LDB3: variants seen among roughly 807,000 people sequenced by gnomAD.
LDB3 encodes LIM domain binding 3.
A neutral mutation model predicts 69.0 loss-of-function variants in LDB3; 49 were observed. The ratio of observed to expected loss-of-function variants is 0.71; its 90% confidence interval spans 0.56 to 0.90. The LOEUF (loss-of-function observed/expected upper bound fraction) is 0.90. Among genes scored for constraint, LDB3 ranks in the 40% least tolerant of loss-of-function variants. The pLI, the probability that LDB3 is intolerant of heterozygous loss-of-function variation, is 0.00. For missense variants in LDB3, 928 were observed against 974.1 expected (o/e 0.95, Z 0.63); for synonymous variants, 387 against 396.2 (o/e 0.98, Z 0.28).
upstream of LDB3, chr10:86,666,939 G>T: frequency 2.2e-6 from 1 of 446,808 alleles, no homozygotes. Flanking sequence ...TCCCCAGCCT[G>T]GCAGGATGGA....
In LDB3 at chr10:86,681,131, G is replaced by A. The variant is rs11596380; in HGVS notation, c.322-305G>A. ...GGGGCAGGGGGAACAGACACAGAAC[G>A]GGCCATCCCCTGACCCCTACACCCA... On this transcript the variant is annotated intron_variant, in intron 4 of 13. Transcript: ENST00000361373. Among the ~76,000 whole-genome samples, 1,325 of 152,322 alleles carry A rather than the reference G, an allele frequency of 8.7e-3. 15 individuals carry two copies. Among genetic ancestry groups the A allele is most frequent in the Non-Finnish European group, 0.015 (997 of 68,022 alleles).
chr10:86,731,551 A>G (rs904874949), intron 13 of LDB3, among the ~76,000 whole-genome samples: 2 of 152,078 alleles, frequency 1.3e-5, no homozygotes, highest in Non-Finnish European at 2.9e-5. Flanking sequence ...GTGGCATTCC[A>G]TTGGAAAAAT....
chr10:86,730,901 C>A (rs988203012), intron 13 of LDB3, among the ~76,000 whole-genome samples: 1 of 152,048 alleles, frequency 6.6e-6, no homozygotes, highest in Admixed American at 6.5e-5. Context: ...GCCTGTAATC[C>A]CAGCACTTTG....
chr10:86,731,254 T>G, intron 13 of LDB3, among the ~76,000 whole-genome samples: 1 of 139,554 alleles, frequency 7.2e-6, no homozygotes. Flanking sequence ...AGACGGAATC[T>G]CGCTCTGTCG....
intron 9 of LDB3, among the ~76,000 whole-genome samples, chr10:86,711,914 G>A (rs994758531): frequency 2.0e-5 from 3 of 151,992 alleles, no homozygotes; most frequent in Non-Finnish European, 4.4e-5. Context: ...CCCCGAGCCC[G>A]CCGAGTGCGA....
At position 86,726,139 on chromosome 10, in the gene LDB3, T is replaced by C. The variant is rs1320317774; in HGVS notation, c.1981T>C (p.Tyr661His). Reference sequence around the variant, plus strand: ...CTTCACTCTGCTTTTCATTTCAGACTACATCAATCTGTTCAGCACCAAGTG... The same window carrying C: ...CTTCACTCTGCTTTTCATTTCAGACCACATCAATCTGTTCAGCACCAAGTG... ...EDGEPYCEKD[Y>H]INLFSTKCHG... Residue 661 changes from tyrosine (Y) to histidine (H), a missense_variant and splice_region_variant, in exon 13 of 14, where the codon TAC becomes CAC. Transcript: ENST00000361373. 1 of 1,612,928 alleles carries C rather than the reference T, an allele frequency of 6.2e-7. No individual in the cohort carries two copies. The highest frequency in any genetic ancestry group is 8.5e-7 in the Non-Finnish European group (1 of 1,179,224).
intron 5 of LDB3, among the ~76,000 whole-genome samples, chr10:86,683,479 C>T (rs936253372): frequency 2.6e-5 from 4 of 152,226 alleles, no homozygotes; most frequent in African/African-American, 9.6e-5. Context: ...GACTTGCTGC[C>T]TGCTCAGGGA....
At position 86,733,449 on chromosome 10, in the gene LDB3, T is replaced by C. The variant is rs45591436; in HGVS notation, c.*473T>C. ...GAGTCATAGCTGAGAGCTTGTTAGC[T>C]AAGACCCATTGGGCTTTCCTCACCA... On this transcript the variant is annotated 3_prime_UTR_variant, in exon 14 of 14. Transcript: ENST00000361373. 9 of 192,810 alleles carry C rather than the reference T, an allele frequency of 4.7e-5. No individual in the cohort carries two copies. Among genetic ancestry groups the C allele is most frequent in the Admixed American group, 1.1e-4 (2 of 18,566 alleles). 11.9% of individuals were successfully genotyped at this position (192,810 alleles called of 1,614,324 possible). A position where few individuals can be genotyped will look rare whatever the true frequency, so the allele number is the denominator to read the frequency against.
At chr10:86,673,848 C>T (rs982341150) in intron 2 of LDB3, among the ~76,000 whole-genome samples, 9 of 152,140 alleles carry the variant, frequency 5.9e-5, no homozygotes, top group Non-Finnish European at 1.2e-4. Flanking sequence ...GTTTGAACAC[C>T]GGGAGTGAAT....
intron 2 of LDB3, among the ~76,000 whole-genome samples, chr10:86,677,352 C>T (rs1324933645): frequency 1.3e-5 from 2 of 152,128 alleles, no homozygotes; most frequent in South Asian, 2.1e-4. Context: ...AGGGGTGGGG[C>T]TGCTAATGTC....
chr10:86,693,198 G>A (rs1845848396), intron 7 of LDB3, among the ~76,000 whole-genome samples: 1 of 152,162 alleles, frequency 6.6e-6, no homozygotes, highest in Non-Finnish European at 1.5e-5. Context: ...ACCTACCACT[G>A]TGGCCCGTCA....
intron 2 of LDB3, among the ~76,000 whole-genome samples, chr10:86,671,367 G>C (rs890440756): frequency 6.6e-6 from 1 of 152,194 alleles, no homozygotes; most frequent in Non-Finnish European, 1.5e-5. Context: ...CAGGCCACCT[G>C]CAGGCTGGGT....
At chr10:86,722,847 G>A (rs1413245433) in intron 12 of LDB3, among the ~76,000 whole-genome samples, 10 of 152,112 alleles carry the variant, frequency 6.6e-5, no homozygotes, top group African/African-American at 7.2e-5. Flanking sequence ...GATTACAGGC[G>A]TGAGCCACCG....
At chr10:86,727,252 C>T (rs1847286069) in intron 13 of LDB3, among the ~76,000 whole-genome samples, 1 of 152,008 alleles carries the variant, frequency 6.6e-6, no homozygotes. Context: ...AAACTCCTGA[C>T]CTCAGGTGAT....
intron 2 of LDB3, among the ~76,000 whole-genome samples, chr10:86,670,611 G>A (rs12570315): frequency 0.25 from 37,519 of 152,184 alleles, 5,519 homozygotes; most frequent in South Asian, 0.42. Context: ...GGGCTTAAAT[G>A]GCAGCCCAGA....
At chr10:86,686,938 G>T in intron 5 of LDB3, 1 of 835,508 alleles carries the variant, frequency 1.2e-6, no homozygotes, top group East Asian at 2.4e-5. Flanking sequence ...TGGGGGTTCA[G>T]GGCCTCGGCT....
chr10:86,713,897 T>G (rs1309015309), intron 9 of LDB3, among the ~76,000 whole-genome samples: 1 of 152,194 alleles, frequency 6.6e-6, no homozygotes, highest in Non-Finnish European at 1.5e-5. Context: ...GTTATCTGAC[T>G]TCAGGATGTT....
intron 8 of LDB3, 35 bp from the exon 9 acceptor site, chr10:86,709,870 C>T (rs1564653561): frequency 6.2e-7 from 1 of 1,603,696 alleles, no homozygotes; most frequent in South Asian, 1.1e-5. Flanking sequence ...TGGGGGCTGT[C>T]CTTCTGGGTG....
intron 13 of LDB3, among the ~76,000 whole-genome samples, chr10:86,730,849 G>T (rs573832055): frequency 6.6e-6 from 1 of 152,144 alleles, no homozygotes; most frequent in Non-Finnish European, 1.5e-5. Context: ...GTCATCATGG[G>T]GATATAGAAT....
Sources: allele counts gnomAD v4.1 joint callset (sites outside exome capture counted in the v4.1 genomes callset), GRCh38; gene constraint gnomAD v4.1.1; transcripts MANE v1.5; gene names NCBI Gene and HGNC (gene_info 2026-07-23, HGNC 2026-07-21).